The following PFKFB4 variants were observed in gnomAD, a reference collection of about 807,000 sequenced individuals.
The protein encoded by PFKFB4 is 6-phosphofructo-2-kinase/fructose-2,6-biphosphatase 4, also known as 6-phosphofructo-2-kinase/fructose-2,6-bisphosphatase 4.
A neutral mutation model predicts 62.8 loss-of-function variants in PFKFB4; 42 were observed. The observed-to-expected ratio is 0.67, with a 90% CI of 0.52 to 0.86. The LOEUF is 0.86. Ranked by LOEUF, PFKFB4 falls within the 40% of genes least tolerant of loss-of-function variation. The probability of loss-of-function intolerance (pLI) is 0.00; values close to 1 mark genes in which losing one functional copy is unlikely to be tolerated. For missense variants in PFKFB4, 475 were observed against 627.2 expected (o/e 0.76, Z 2.59); for synonymous variants, 204 against 240.7 (o/e 0.85, Z 1.41).
chr3:48,549,587 A>G (rs2043066914), intron 3 of PFKFB4, among the ~76,000 whole-genome samples: 1 of 152,140 alleles, frequency 6.6e-6, no homozygotes, highest in Non-Finnish European at 1.5e-5. Context: ...GGAATGGCCC[A>G]GCCACCAGGA....
At chr3:48,549,499 C>A (rs1280067021) in intron 3 of PFKFB4, among the ~76,000 whole-genome samples, 1 of 151,220 alleles carries the variant, frequency 6.6e-6, no homozygotes, top group East Asian at 1.9e-4. Flanking sequence ...GGCAGCAGCT[C>A]CAACGACCTG....
At chr3:48,533,552 A>G (rs2042495385) in intron 9 of PFKFB4, among the ~76,000 whole-genome samples, 1 of 152,182 alleles carries the variant, frequency 6.6e-6, no homozygotes, top group South Asian at 2.1e-4. Context: ...AAAAACAACT[A>G]TTATTAAAAA....
intron 1 of PFKFB4, among the ~76,000 whole-genome samples, chr3:48,553,674 G>A (rs1395178145): frequency 2.0e-5 from 3 of 152,174 alleles, no homozygotes; most frequent in African/African-American, 7.2e-5. Context: ...TCTACCCAAG[G>A]AGCAGCCACA....
chr3:48,556,605 C>G lies in PFKFB4; in HGVS notation c.97+76G>C, dbSNP rs1178371873. ...ATCTGTCTCCCGCCCCTTCTCCATGCGAGACCCCCGCCCAGGCCGCCCTAC... is the reference window on the plus strand; with the variant it reads ...ATCTGTCTCCCGCCCCTTCTCCATGGGAGACCCCCGCCCAGGCCGCCCTAC... On this transcript the variant is annotated intron_variant, in intron 1 of 13. Coordinates refer to ENST00000232375, the MANE Select transcript of PFKFB4 (RefSeq NM_004567.4). The surrounding 1 kb of genome is among the most constrained non-coding windows in gnomAD (Gnocchi z 5.7). The G allele has an allele frequency of 2.7e-6, 4 of 1,474,512 alleles. No individual in the cohort carries two copies. In the African/African-American group the frequency reaches 4.2e-5, roughly 16 times the overall value. The allele number at this position is 1,474,512 out of a possible 1,614,324, so 91.3% of individuals were successfully genotyped here.
At chr3:48,555,395 G>T (rs765556578) in intron 1 of PFKFB4, among the ~76,000 whole-genome samples, 2 of 152,132 alleles carry the variant, frequency 1.3e-5, no homozygotes, top group Non-Finnish European at 2.9e-5. Context: ...ATGGCTCCAG[G>T]CTGCTGCAGC....
chr3:48,561,208 C>T (rs761096775), upstream of PFKFB4: 11 of 629,668 alleles, frequency 1.7e-5, 1 homozygote, highest in East Asian at 1.1e-4. The surrounding 1 kb of genome is among the most constrained non-coding windows in gnomAD (Gnocchi z 5.2). Flanking sequence ...GCGACTCCTG[C>T]GGCTCCTGCA....
At chr3:48,557,631 G>C (rs1211709172), upstream of PFKFB4, among the ~76,000 whole-genome samples, 1 of 152,122 alleles carries the variant, frequency 6.6e-6, no homozygotes, top group Non-Finnish European at 1.5e-5. Flanking sequence ...CCGCCTCCCG[G>C]GTTCAAGGGA....
rs946157327 is a variant in PFKFB4 at position 48,556,273 on chromosome 3, C to G, written c.97+408G>C. The G allele has an allele frequency of 2.1e-6, 1 of 483,258 alleles. No homozygotes were observed. The highest frequency in any genetic ancestry group is 4.1e-6 in the Non-Finnish European group (1 of 244,804). The allele number at this position is 483,258 out of a possible 1,614,324, so 29.9% of individuals were successfully genotyped here. A position where few individuals can be genotyped will look rare whatever the true frequency, so the allele number is the denominator to read the frequency against. ...GCCAAGTAATTCACCTAGGGCCACA[C>G]AGCTCAGTTCCAGTCCAACAACCCG... On this transcript the variant is annotated intron_variant, in intron 1 of 13. Transcript: ENST00000232375. This position sits in a 1 kb window ranked among gnomAD's most constrained non-coding sequence, Gnocchi z 5.7.
At chr3:48,551,875 G>A (rs1319592873) in intron 1 of PFKFB4, among the ~76,000 whole-genome samples, 1 of 152,120 alleles carries the variant, frequency 6.6e-6, no homozygotes, top group Non-Finnish European at 1.5e-5. Flanking sequence ...GCGGTCTCAC[G>A]TCAGAAGCCT....
chr3:48,556,112 A>C lies in PFKFB4; in HGVS notation c.97+569T>G, dbSNP rs1023730590. 2.2e-6 allele frequency: 1 copy of C among 456,704 alleles called. No individual in the cohort carries two copies. Among genetic ancestry groups the C allele is most frequent in the African/African-American group, 2.0e-5 (1 of 50,092 alleles). 28.3% of individuals were successfully genotyped at this position (456,704 alleles called of 1,614,324 possible). On this transcript the variant is annotated intron_variant, in intron 1 of 13. Coordinates refer to ENST00000232375, the MANE Select transcript of PFKFB4 (RefSeq NM_004567.4). The surrounding 1 kb of genome is among the most constrained non-coding windows in gnomAD (Gnocchi z 5.7). ...TGTCCCGGGACACAGACACAGGCCC[A>C]CACGGCATACTTTTCTGTCTCTATC... is the stretch of plus-strand genomic sequence containing the variant.
At chr3:48,552,080 G>T (rs1052489304) in intron 1 of PFKFB4, among the ~76,000 whole-genome samples, 10 of 152,178 alleles carry the variant, frequency 6.6e-5, no homozygotes, top group African/African-American at 2.2e-4. Context: ...AAGCACTTCC[G>T]CAGGGGATCA....
At chr3:48,561,392 T>G (rs1214683572), upstream of PFKFB4, among the ~76,000 whole-genome samples, 1 of 152,242 alleles carries the variant, frequency 6.6e-6, no homozygotes, top group Non-Finnish European at 1.5e-5. The surrounding 1 kb of genome is among the most constrained non-coding windows in gnomAD (Gnocchi z 5.2). Flanking sequence ...CACCTAGAGT[T>G]GTCTGCACAG....
Position 48,542,302 on chromosome 3 carries a change from C to T in PFKFB4, c.378+1278G>A, listed in dbSNP as rs1426318101. Among the ~76,000 whole-genome samples, 3 of 150,256 alleles carry T rather than the reference C, an allele frequency of 2.0e-5. No homozygotes were observed. The East Asian group carries it at 5.9e-4, about 29-fold the overall frequency. ...TGAGCCGAGATCACGCCACTGCACTCCAGCCTGGGTGACAGAGCGAGACTC... is the reference window on the plus strand; with the variant it reads ...TGAGCCGAGATCACGCCACTGCACTTCAGCCTGGGTGACAGAGCGAGACTC... On this transcript the variant is annotated intron_variant, in intron 4 of 13. Coordinates refer to ENST00000232375, the MANE Select transcript of PFKFB4 (RefSeq NM_004567.4).
At chr3:48,528,010 C>G (rs1414750213) in intron 9 of PFKFB4, among the ~76,000 whole-genome samples, 1 of 151,924 alleles carries the variant, frequency 6.6e-6, no homozygotes, top group East Asian at 1.9e-4. Flanking sequence ...TCGTAAAGAG[C>G]ACATATATCA....
At chr3:48,536,205 G>A (rs754673086) in intron 8 of PFKFB4, 51 bp downstream of exon 8, 8 of 1,533,064 alleles carry the variant, frequency 5.2e-6, no homozygotes, top group African/African-American at 2.7e-5. Context: ...ACCCAGCCAC[G>A]CAGGGTACAA....
Position 48,532,132 on chromosome 3 carries a change from C to A in PFKFB4, c.987+3380G>T, listed in dbSNP as rs372421879. Among the ~76,000 whole-genome samples the A allele has an allele frequency of 3.3e-5, 5 of 152,212 alleles. No individual in the cohort carries two copies. The East Asian group carries it at 7.7e-4, about 24-fold the overall frequency. ...GACCAGTCTGGCCAACATGGTGAAA[C>A]CCTGTCTCTACTAAAAATACAAAAA... On this transcript the variant is annotated intron_variant, in intron 9 of 13. Coordinates refer to ENST00000232375, the MANE Select transcript of PFKFB4 (RefSeq NM_004567.4).
At position 48,536,381 on chromosome 3, in the gene PFKFB4, C is replaced by T. The variant is rs781167335; in HGVS notation, c.715G>A (p.Val239Ile). Reference protein sequence around the residue: ...RVADHIQSRIVYYLMNIHVTP... With the variant: ...RVADHIQSRIIYYLMNIHVTP... ...ACGTGGATGTTCATGAGGTAATATACGATGCGGCTCTGGATGTGGTCAGCC... is the reference window on the plus strand; with the variant it reads ...ACGTGGATGTTCATGAGGTAATATATGATGCGGCTCTGGATGTGGTCAGCC... Residue 239 changes from valine (V) to isoleucine (I), a missense_variant, in exon 8 of 14, where the codon GTA becomes ATA. Physicochemically the swap from Val to Ile is conservative, Grantham distance 29. Coordinates refer to ENST00000232375, the MANE Select transcript of PFKFB4 (RefSeq NM_004567.4). 1.7e-5 allele frequency: 28 copies of T among 1,614,080 alleles called. No homozygotes were observed. The highest frequency in any genetic ancestry group is 4.5e-5 in the East Asian group (2 of 44,886).
At chr3:48,546,347 G>C (rs1042723084) in intron 3 of PFKFB4, among the ~76,000 whole-genome samples, 1 of 151,572 alleles carries the variant, frequency 6.6e-6, no homozygotes, top group African/African-American at 2.4e-5. Flanking sequence ...TGCATGTGGG[G>C]GTGACCATGT....
rs1335156706 is a variant in PFKFB4, at chr3:48,549,936, C to T, written c.239G>A (p.Arg80Gln). ...AGATTTGTAGGTCTTGACCACGTCCCGGCGATACTGGCCAACATTGAACTC... is the reference window on the plus strand; with the variant it reads ...AGATTTGTAGGTCTTGACCACGTCCTGGCGATACTGGCCAACATTGAACTC... Reference protein sequence around the residue: ...TREFNVGQYRRDVVKTYKSFE... With the variant: ...TREFNVGQYRQDVVKTYKSFE... The change falls in exon 3 of 14, where the codon CGG becomes CAG. Residue 80 changes from arginine to glutamine, a missense_variant. Transcript: ENST00000232375. The T allele has an allele frequency of 1.2e-6, 2 of 1,613,550 alleles. No homozygotes were observed. The highest frequency in any genetic ancestry group is 2.2e-5 in the South Asian group (2 of 91,074).
Sources: allele counts gnomAD v4.1 joint callset (sites outside exome capture counted in the v4.1 genomes callset), GRCh38; gene constraint gnomAD v4.1.1; non-coding constraint Gnocchi (gnomAD v3.1); transcripts MANE v1.5; gene names NCBI Gene and HGNC (gene_info 2026-07-23, HGNC 2026-07-21).